The following STK4 variants were observed in gnomAD, a reference collection of about 807,000 sequenced individuals.
The protein encoded by STK4 is serine/threonine kinase 4.
In STK4, 30 loss-of-function variants were observed where a neutral mutation model predicts 64.9. The ratio of observed to expected loss-of-function variants is 0.46; its 90% CI spans 0.35 to 0.63. The LOEUF (loss-of-function observed/expected upper bound fraction) is 0.63, where lower values mean the gene tolerates loss of function less well. Ranked by LOEUF, STK4 falls within the 20% of genes least tolerant of loss-of-function variation. The pLI, the probability that STK4 is intolerant of heterozygous loss-of-function variation, is 0.01. For missense variants in STK4, 466 were observed against 598.5 expected (o/e 0.78, Z 2.31); for synonymous variants, 177 against 199.0 (o/e 0.89, Z 0.93).
chr20:44,995,252 A>G lies in STK4; in HGVS notation c.688A>G (p.Met230Val), dbSNP rs757517757. Residue 230 changes from methionine to valine, a missense_variant, in exon 6 of 11, where the codon ATG becomes GTG. Met to Val is a conservative substitution (Grantham distance 21). Around this residue, in one of 2 missense-constraint regions of STK4, gnomAD observed 190 missense variants for 289.7 expected, o/e 0.66. Coordinates refer to ENST00000372806, the MANE Select transcript of STK4 (RefSeq NM_006282.5). ...GKPPYADIHP[M>V]RAIFMIPTNP... ...GCCCCCTTATGCTGATATCCATCCA[A>G]TGAGGGTAAGAAAGTGGACAGAAAG... 2 of 1,612,018 alleles carry G rather than the reference A, an allele frequency of 1.2e-6. No homozygotes were observed. The highest frequency in any genetic ancestry group is 1.1e-5 in the South Asian group (1 of 90,754).
intron 5 of STK4, among the ~76,000 whole-genome samples, chr20:44,994,564 C>T (rs1453390258): frequency 6.6e-6 from 1 of 150,610 alleles, no homozygotes; most frequent in African/African-American, 2.4e-5. Context: ...TTTTGATGAT[C>T]ATTTGAGTTG....
intron 10 of STK4, among the ~76,000 whole-genome samples, chr20:45,028,658 T>C (rs889412458): frequency 2.6e-5 from 4 of 152,174 alleles, no homozygotes; most frequent in Admixed American, 2.6e-4. Flanking sequence ...TTCCTAATGA[T>C]TAGTGATATT....
chr20:45,036,317 T>C (rs1176095468), intron 10 of STK4, among the ~76,000 whole-genome samples: 1 of 152,192 alleles, frequency 6.6e-6, no homozygotes, highest in East Asian at 1.9e-4. Context: ...CTGAGTAACA[T>C]GATGCAATCT....
At chr20:45,064,216 C>T (rs549606003) in intron 10 of STK4, among the ~76,000 whole-genome samples, 8 of 152,112 alleles carry the variant, frequency 5.3e-5, no homozygotes, top group South Asian at 2.1e-4. Flanking sequence ...TCAGCTTTGT[C>T]GACGATCACT....
At chr20:45,038,145 A>G (rs905253864) in intron 10 of STK4, among the ~76,000 whole-genome samples, 4 of 152,164 alleles carry the variant, frequency 2.6e-5, no homozygotes, top group Admixed American at 6.6e-5. Context: ...TGGTAAGGTA[A>G]AATTTAATGT....
chr20:45,044,687 G>T (rs1297886234), intron 10 of STK4, among the ~76,000 whole-genome samples: 1 of 152,148 alleles, frequency 6.6e-6, no homozygotes, highest in Admixed American at 6.5e-5. Flanking sequence ...AATCACTTTA[G>T]AAATTTGACA....
At chr20:45,025,837 A>G (rs1274346594) in intron 10 of STK4, among the ~76,000 whole-genome samples, 1 of 152,216 alleles carries the variant, frequency 6.6e-6, no homozygotes, top group Non-Finnish European at 1.5e-5. Context: ...TCTGTTGTTT[A>G]TAAAAGAACT....
chr20:45,036,508 T>C (rs745718360), intron 10 of STK4, among the ~76,000 whole-genome samples: 1 of 152,122 alleles, frequency 6.6e-6, no homozygotes, highest in Non-Finnish European at 1.5e-5. Flanking sequence ...GTCCCCAGCG[T>C]GCGAGAGTAG....
chr20:45,010,517 C>G (rs2145342482), intron 9 of STK4, among the ~76,000 whole-genome samples: 1 of 152,236 alleles, frequency 6.6e-6, no homozygotes, highest in Admixed American at 6.5e-5. Flanking sequence ...TCATTACAAC[C>G]ATGCTGTGTG....
At chr20:45,015,610 C>T (rs974089349) in intron 9 of STK4, among the ~76,000 whole-genome samples, 1 of 152,162 alleles carries the variant, frequency 6.6e-6, no homozygotes, top group African/African-American at 2.4e-5. Context: ...TTTGTTGGAA[C>T]CCTATCTCTG....
At position 45,028,578 on chromosome 20, in the gene STK4, G is replaced by A. The variant is rs540570145; in HGVS notation, c.1305+3448G>A. ...CTGGCCTGAAATAATCCTCCTGCCC[G>A]GGCCTCCCAGAATGCTAGGATTACA... On this transcript the variant is annotated intron_variant, in intron 10 of 10. Coordinates refer to ENST00000372806, the MANE Select transcript of STK4 (RefSeq NM_006282.5). Among the ~76,000 whole-genome samples the A allele has an allele frequency of 1.1e-4, 17 of 152,114 alleles. No individual in the cohort carries two copies. The South Asian group carries it at 2.9e-3, about 26-fold the overall frequency.
intron 9 of STK4, among the ~76,000 whole-genome samples, chr20:45,015,804 G>A (rs1333431781): frequency 6.6e-6 from 1 of 152,076 alleles, no homozygotes; most frequent in African/African-American, 2.4e-5. Flanking sequence ...TTGTAGTTTT[G>A]TCAAGATGAT....
chr20:45,026,215 T>C (rs2068343651), intron 10 of STK4, among the ~76,000 whole-genome samples: 2 of 148,344 alleles, frequency 1.3e-5, no homozygotes, highest in Non-Finnish European at 3.0e-5. Context: ...CCATCCCTCA[T>C]GGAGGTTTCA....
At chr20:45,053,298 C>CT in intron 10 of STK4, 1 of 781,702 alleles carries the variant, frequency 1.3e-6, no homozygotes, top group Non-Finnish European at 2.1e-6. Context: ...GAGAGCAGGA[C>CT]TTAAATGCCT....
chr20:45,000,335 G>T, intron 7 of STK4, 57 bp from the exon 8 acceptor site: 1 of 1,571,720 alleles, frequency 6.4e-7, no homozygotes, highest in East Asian at 2.3e-5. Flanking sequence ...TCCAGGTACT[G>T]TTTTGGCACT....
chr20:45,041,402 T>G (rs1350329409), intron 10 of STK4, among the ~76,000 whole-genome samples: 3 of 152,162 alleles, frequency 2.0e-5, no homozygotes, highest in Non-Finnish European at 2.9e-5. Context: ...TCTCTGTTTG[T>G]TTTTTGTTAA....
chr20:45,011,999 G>GATT (rs2068059864), intron 9 of STK4, among the ~76,000 whole-genome samples: 1 of 150,156 alleles, frequency 6.7e-6, no homozygotes, highest in African/African-American at 2.5e-5. Context: ...TTTCATCACA[G>GATT]ATTACTTCTT....
At chr20:44,980,689 G>A (rs1009839339) in intron 3 of STK4, among the ~76,000 whole-genome samples, 7 of 151,812 alleles carry the variant, frequency 4.6e-5, no homozygotes, top group African/African-American at 1.5e-4. Context: ...TTTTTGAGAC[G>A]GAGTCTCCTC....
chr20:45,045,735 T>C (rs1320441944), intron 10 of STK4, among the ~76,000 whole-genome samples: 2 of 152,218 alleles, frequency 1.3e-5, no homozygotes, highest in Admixed American at 6.5e-5. Context: ...TTTGCTGTTC[T>C]TTCTTATTTA....
Sources: gnomAD v4.1 joint callset for allele counts (sites outside exome capture counted in the v4.1 genomes callset) on GRCh38, gnomAD v4.1.1 for gene constraint, gnomAD v4.1.1 regional missense constraint, MANE v1.5 for transcripts, NCBI Gene and HGNC (gene_info 2026-07-23, HGNC 2026-07-21) for gene names.